The following UBE3C variants were observed in gnomAD, a reference collection of about 807,000 sequenced individuals.
UBE3C encodes ubiquitin-protein ligase E3C.
Under a neutral mutation model 129.4 loss-of-function variants are expected in UBE3C, and 42 were observed. The observed-to-expected ratio is 0.32, with a 90% CI of 0.25 to 0.42. The LOEUF is 0.42. Ranked by LOEUF, UBE3C falls within the 10% of genes least tolerant of loss-of-function variation. UBE3C has a pLI of 1.00. For missense variants in UBE3C, 1,049 were observed against 1,319.1 expected (o/e 0.80, Z 3.17); for synonymous variants, 510 against 492.4 (o/e 1.04, Z -0.47).
At chr7:157,227,576 TG>T (rs1203245181) in intron 17 of UBE3C, among the ~76,000 whole-genome samples, 1 of 151,848 alleles carries the variant, frequency 6.6e-6, no homozygotes, top group African/African-American at 2.4e-5. Flanking sequence ...GGTAGGCACC[TG>T]TAGTCCCACC....
At chr7:157,244,620 A>G (rs745356861) in intron 18 of UBE3C, among the ~76,000 whole-genome samples, 1 of 152,214 alleles carries the variant, frequency 6.6e-6, no homozygotes, top group Non-Finnish European at 1.5e-5. Context: ...AATGTAGTAA[A>G]TTACTGAAGT....
At chr7:157,231,843 G>T (rs951360703) in intron 18 of UBE3C, 3 of 154,470 alleles carry the variant, frequency 1.9e-5, no homozygotes, top group Non-Finnish European at 4.3e-5. Context: ...CAGTCAAAAC[G>T]GACTAAGACA....
intron 13 of UBE3C, among the ~76,000 whole-genome samples, chr7:157,212,988 G>A (rs1809640341): frequency 6.6e-6 from 1 of 152,054 alleles, no homozygotes; most frequent in South Asian, 2.1e-4. Flanking sequence ...GAACTCCTAG[G>A]CTCGAGTGAT....
At chr7:157,226,180 A>G (rs367806659) in intron 17 of UBE3C, among the ~76,000 whole-genome samples, 1 of 152,314 alleles carries the variant, frequency 6.6e-6, no homozygotes, top group Admixed American at 6.5e-5. Context: ...ATAAATATTT[A>G]TATGAAATCA....
chr7:157,199,282 G>A (rs555295216), intron 10 of UBE3C, among the ~76,000 whole-genome samples: 22 of 151,578 alleles, frequency 1.5e-4, no homozygotes, highest in African/African-American at 4.8e-4. Flanking sequence ...TCTTTTTTCC[G>A]TATGACTGTT....
At chr7:157,163,368 C>CAG (rs981784052) in intron 1 of UBE3C, among the ~76,000 whole-genome samples, 8 of 127,530 alleles carry the variant, frequency 6.3e-5, no homozygotes, top group Admixed American at 3.9e-4. Flanking sequence ...GCCTGGGCGA[C>CAG]AGAGAGAGAG....
At chr7:157,267,428 A>T (rs1797109579) in intron 22 of UBE3C, among the ~76,000 whole-genome samples, 157 bp from the exon 23 acceptor site, 1 of 152,170 alleles carries the variant, frequency 6.6e-6, no homozygotes, top group South Asian at 2.1e-4. Context: ...TCTCAAAGAA[A>T]ACAAACAACA....
At chr7:157,189,936 G>A (rs1412439866) in intron 10 of UBE3C, among the ~76,000 whole-genome samples, 1 of 152,084 alleles carries the variant, frequency 6.6e-6, no homozygotes, top group African/African-American at 2.4e-5. Context: ...GAGTAGCTGA[G>A]ATTACGGGCA....
chr7:157,204,276 C>G (rs1235920338), intron 11 of UBE3C, among the ~76,000 whole-genome samples: 1 of 151,796 alleles, frequency 6.6e-6, no homozygotes, highest in Non-Finnish European at 1.5e-5. Context: ...GCTTGCATTG[C>G]TAGGACTTAC....
At chr7:157,140,175 C>G (rs545705437) in intron 1 of UBE3C, among the ~76,000 whole-genome samples, 1 of 152,218 alleles carries the variant, frequency 6.6e-6, no homozygotes, top group African/African-American at 2.4e-5. Context: ...CCTTCCCACC[C>G]CTTCCCATCA....
intron 2 of UBE3C, among the ~76,000 whole-genome samples, chr7:157,167,118 A>AC (rs1274229472): frequency 6.6e-6 from 1 of 151,812 alleles, no homozygotes; most frequent in African/African-American, 2.4e-5. Context: ...TTTAGTAGAG[A>AC]TGGAGTTTCA....
At chr7:157,140,941 TGAG>T (rs1486276785) in intron 1 of UBE3C, among the ~76,000 whole-genome samples, 2 of 152,204 alleles carry the variant, frequency 1.3e-5, no homozygotes, top group East Asian at 1.9e-4. Flanking sequence ...CAAGTGAAAT[TGAG>T]GAGGAAGGGC....
rs535629103 is a variant in UBE3C at position 157,162,076 on chromosome 7, A to G, written c.67-1734A>G. ...AGAGCACGACTCTGTCTCAATTTAG[A>G]AAAAAAGGATAGAAACTTTGATTCT... On this transcript the variant is annotated intron_variant, in intron 1 of 22. Coordinates refer to ENST00000348165, the MANE Select transcript of UBE3C (RefSeq NM_014671.3). Among the ~76,000 whole-genome samples the G allele has an allele frequency of 7.4e-4, 113 of 152,174 alleles. 1 individual carries two copies. Among genetic ancestry groups the G allele is most frequent in the Admixed American group, 1.2e-3 (18 of 15,286 alleles).
intron 4 of UBE3C, among the ~76,000 whole-genome samples, chr7:157,173,186 C>CA (rs761736081): frequency 1.3e-5 from 2 of 152,094 alleles, no homozygotes; most frequent in Admixed American, 6.6e-5. Flanking sequence ...CCAGCCTGGC[C>CA]AAAATACCAG....
rs996143288 is a variant in UBE3C, at chr7:157,240,055, G to T, written c.2482-8313G>T. On this transcript the variant is annotated intron_variant, in intron 18 of 22. Transcript: ENST00000348165. Reference sequence around the variant, plus strand: ...CTGAATCTGGAACTCTAGGGCTAGGGCTCAGCAAGCTGTGTGTTTTGGTTT... The same window carrying T: ...CTGAATCTGGAACTCTAGGGCTAGGTCTCAGCAAGCTGTGTGTTTTGGTTT... 2.6e-5 allele frequency among the ~76,000 whole-genome samples: 4 copies of T among 152,262 alleles called. No individual in the cohort carries two copies. In the South Asian group the frequency reaches 8.3e-4, roughly 32 times the overall value.
chr7:157,192,409 C>G, intron 10 of UBE3C: 1 of 714,124 alleles, frequency 1.4e-6, no homozygotes, highest in Admixed American at 1.8e-5. Flanking sequence ...AGACCATCAC[C>G]CTCAAGGTTG....
At chr7:157,144,045 G>A (rs1167213995) in intron 1 of UBE3C, among the ~76,000 whole-genome samples, 1 of 152,194 alleles carries the variant, frequency 6.6e-6, no homozygotes, top group African/African-American at 2.4e-5. Context: ...GCGGAGCTGG[G>A]AAGAATTGGG....
intron 17 of UBE3C, among the ~76,000 whole-genome samples, chr7:157,230,694 CAAA>C (rs748639288): frequency 3.9e-4 from 15 of 38,826 alleles, no homozygotes; most frequent in Non-Finnish European, 5.3e-4. Flanking sequence ...GACCCCGTCT[CAAA>C]AAAAAAAAAA....
intron 19 of UBE3C, 54 bp from the exon 20 acceptor site, chr7:157,253,900 T>A (rs1240621042): frequency 2.1e-6 from 3 of 1,458,532 alleles, no homozygotes; most frequent in African/African-American, 1.4e-5. Flanking sequence ...CTTTTTTTTT[T>A]AACCTATTAT....
Sources: gnomAD v4.1 joint callset for allele counts (sites outside exome capture counted in the v4.1 genomes callset) on GRCh38, gnomAD v4.1.1 for gene constraint, MANE v1.5 for transcripts, NCBI Gene and HGNC (gene_info 2026-07-23, HGNC 2026-07-21) for gene names.